Variants in SORBS3 observed in about 807,000 individuals in gnomAD.
SORBS3 encodes sorbin and SH3 domain containing 3, also known as vinexin.
Under a neutral mutation model 98.0 loss-of-function variants are expected in SORBS3, and 69 were observed. The observed-to-expected ratio is 0.70, with a 90% CI of 0.58 to 0.86. The LOEUF is 0.86. Among genes scored for constraint, SORBS3 ranks in the 40% least tolerant of loss-of-function variants. The pLI is 0.00. For synonymous variants in SORBS3, 394 were observed against 355.4 expected (o/e 1.11, Z -1.22); for missense variants, 954 against 908.5 (o/e 1.05, Z -0.64).
chr8:22,571,151 T>C lies in SORBS3; in HGVS notation c.1673T>C (p.Leu558Ser), dbSNP rs1355218022. 3 of 1,594,146 alleles carry C rather than the reference T, an allele frequency of 1.9e-6. No individual in the cohort carries two copies. Among genetic ancestry groups the C allele is most frequent in the East Asian group, 2.2e-5 (1 of 44,602 alleles). ...CGCAGCCCAGCTGACCCCATCGACT[T>C]GGGGGGACAGACCTCCCCCCGTCGC... ...ALRSPADPID[L>S]GGQTSPRRTG... The change falls in exon 18 of 21, where the codon TTG becomes TCG. Residue 558 changes from leucine (L) to serine (S), a missense_variant. Transcript: ENST00000240123.
chr8:22,552,980 C>T (rs1198416359), intron 1 of SORBS3, among the ~76,000 whole-genome samples: 1 of 152,164 alleles, frequency 6.6e-6, no homozygotes, highest in Non-Finnish European at 1.5e-5. Context: ...GTCGCAGCAA[C>T]TCAAATGTCA....
intron 19 of SORBS3, 80 bp from the exon 20 acceptor site, chr8:22,572,260 G>C: frequency 8.8e-7 from 1 of 1,141,950 alleles, no homozygotes; most frequent in Non-Finnish European, 1.3e-6. Flanking sequence ...AAGGGACCCT[G>C]GGGCATTCAC....
At chr8:22,548,094 G>A (rs1162054887), upstream of SORBS3, among the ~76,000 whole-genome samples, 1 of 152,206 alleles carries the variant, frequency 6.6e-6, no homozygotes, top group Non-Finnish European at 1.5e-5. Context: ...TACTTGACCT[G>A]TACTGGGTAT....
chr8:22,572,864 C>A (rs963651278), intron 20 of SORBS3, among the ~76,000 whole-genome samples: 5 of 152,202 alleles, frequency 3.3e-5, no homozygotes, highest in African/African-American at 7.2e-5. Flanking sequence ...GGAGAAAGGT[C>A]CCAGCCCCTC....
rs1163460250 is a variant in SORBS3, at chr8:22,554,158, C to G, written c.-55-294C>G. 1 of 224,920 alleles carries G rather than the reference C, an allele frequency of 4.4e-6. No individual in the cohort carries two copies. The highest frequency in any genetic ancestry group is 8.8e-6 in the Non-Finnish European group (1 of 113,132). The allele number at this position is 224,920 out of a possible 1,614,324, so 13.9% of individuals were successfully genotyped here. A position where few individuals can be genotyped will look rare whatever the true frequency, so the allele number is the denominator to read the frequency against. ...ACCCGTGCAGGGAGAGCCCCACGGG[C>G]TCCTGGCCAGCCCCTCCCCTCCTCC... On this transcript the variant is annotated intron_variant, in intron 1 of 20. Coordinates refer to ENST00000240123, the MANE Select transcript of SORBS3 (RefSeq NM_005775.5). This position sits in a 1 kb window ranked among gnomAD's most constrained non-coding sequence, Gnocchi z 6.5.
upstream of SORBS3, among the ~76,000 whole-genome samples, chr8:22,547,053 A>G (rs925373690): frequency 2.0e-5 from 3 of 152,218 alleles, no homozygotes; most frequent in Non-Finnish European, 1.5e-5. Flanking sequence ...TGCAGTTTAC[A>G]GGCCAGAAAA....
At chr8:22,549,922 A>G (rs1161289460), upstream of SORBS3, 20 of 926,490 alleles carry the variant, frequency 2.2e-5, no homozygotes, top group Non-Finnish European at 2.6e-5. Flanking sequence ...GCCCTAGAGA[A>G]TAAGAGAAGC....
intron 5 of SORBS3, among the ~76,000 whole-genome samples, chr8:22,559,410 G>T (rs1489702391): frequency 5.3e-5 from 8 of 152,178 alleles, no homozygotes; most frequent in African/African-American, 1.9e-4. Flanking sequence ...TGTAGGAGTA[G>T]CATTCACAGG....
chr8:22,548,459 A>G (rs2449334), upstream of SORBS3, among the ~76,000 whole-genome samples: 75,560 of 151,680 alleles, frequency 0.5, 19,049 homozygotes, highest in African/African-American at 0.57. Context: ...AAACTGCTGG[A>G]AACGGGCAGT....
intron 11 of SORBS3, 107 bp from the exon 12 acceptor site, chr8:22,565,718 CG>C: frequency 8.1e-7 from 1 of 1,235,690 alleles, no homozygotes; most frequent in Non-Finnish European, 1.0e-6. Context: ...CCCCGCGTCC[CG>C]CCCGCTCTCC....
At chr8:22,568,950 G>C (rs1264234694) in intron 16 of SORBS3, among the ~76,000 whole-genome samples, 198 bp from the exon 17 acceptor site, 1 of 152,156 alleles carries the variant, frequency 6.6e-6, no homozygotes, top group African/African-American at 2.4e-5. Context: ...TCCAGGGAGC[G>C]TTCCCAGACT....
At chr8:22,560,059 A>G (rs1433604176) in intron 5 of SORBS3, among the ~76,000 whole-genome samples, 1 of 150,874 alleles carries the variant, frequency 6.6e-6, no homozygotes, top group Non-Finnish European at 1.5e-5. Flanking sequence ...TCAGTCTCAA[A>G]AAAAAAAAAA....
chr8:22,554,266 G>C lies in SORBS3; in HGVS notation c.-55-186G>C. The C allele has an allele frequency of 2.4e-6, 1 of 423,840 alleles. No individual in the cohort carries two copies. The highest frequency in any genetic ancestry group is 4.9e-5 in the East Asian group (1 of 20,422). 26.3% of individuals were successfully genotyped at this position (423,840 alleles called of 1,614,324 possible). On this transcript the variant is annotated intron_variant, in intron 1 of 20. Transcript: ENST00000240123. The surrounding 1 kb of genome is among the most constrained non-coding windows in gnomAD (Gnocchi z 6.5). ...GTGGTCCATTGTGCCCCTGGGAGCCGGCAGGCACGGGCAGCCTGCAGGCGG... is the reference window on the plus strand; with the variant it reads ...GTGGTCCATTGTGCCCCTGGGAGCCCGCAGGCACGGGCAGCCTGCAGGCGG...
intron 7 of SORBS3, among the ~76,000 whole-genome samples, chr8:22,563,669 G>A (rs3758035): frequency 0.025 from 3,784 of 152,310 alleles, 87 homozygotes; most frequent in East Asian, 0.12. Context: ...GAGCAAATAT[G>A]TGTGTGAGGC....
chr8:22,570,724 TG>T (rs1840552020), intron 17 of SORBS3, among the ~76,000 whole-genome samples, 185 bp from the exon 18 acceptor site: 1 of 152,178 alleles, frequency 6.6e-6, no homozygotes, highest in African/African-American at 2.4e-5. Flanking sequence ...CAGCCTTGCC[TG>T]GGCAGCCTGG....
rs755944182 is a variant in SORBS3, at chr8:22,564,432, G to A, written c.763-36G>A. The A allele has an allele frequency of 5.6e-6, 9 of 1,613,988 alleles. No homozygotes were observed. In the African/African-American group the frequency reaches 1.2e-4, roughly 22 times the overall value. ...TCAGCTGATACATTTTGGAAAGTGA[G>A]TTCACCTGCTCTGACACACCCTTTC... On this transcript the variant is annotated intron_variant, in intron 9 of 20. Coordinates refer to ENST00000240123, the MANE Select transcript of SORBS3 (RefSeq NM_005775.5).
At chr8:22,572,268 C>A in intron 19 of SORBS3, 72 bp from the exon 20 acceptor site, 2 of 1,269,650 alleles carry the variant, frequency 1.6e-6, no homozygotes, top group Non-Finnish European at 2.3e-6. Flanking sequence ...CTGGGGCATT[C>A]ACAGGAAGCG....
intron 1 of SORBS3, among the ~76,000 whole-genome samples, chr8:22,553,509 C>A (rs1298072918): frequency 6.6e-6 from 1 of 152,076 alleles, no homozygotes; most frequent in Non-Finnish European, 1.5e-5. Flanking sequence ...CCTCTTGCAC[C>A]CCCACTCTGG....
Position 22,566,682 on chromosome 8 carries a change from G to C in SORBS3, c.1112G>C (p.Gly371Ala), listed in dbSNP as rs768625278. 17 of 1,609,282 alleles carry C rather than the reference G, an allele frequency of 1.1e-5. No homozygotes were observed. Among genetic ancestry groups the C allele is most frequent in the Middle Eastern group, 1.7e-4 (1 of 6,038 alleles). The change falls in exon 14 of 21, where the codon GGG becomes GCG. Residue 371 changes from glycine to alanine, a missense_variant. Gly to Ala is a moderately conservative substitution (Grantham distance 60). Coordinates refer to ENST00000240123, the MANE Select transcript of SORBS3 (RefSeq NM_005775.5). ...STRDPSASNG[G>A]GSPARREEKK... The stretch of plus-strand genomic sequence containing the variant: ...ACAGACCCTAGTGCCTCTAACGGAG[G>C]GGGCAGCCCAGCCAGGAGGGAAGAG...
Sources: allele counts gnomAD v4.1 joint callset (sites outside exome capture counted in the v4.1 genomes callset), GRCh38; gene constraint gnomAD v4.1.1; non-coding constraint Gnocchi (gnomAD v3.1); transcripts MANE v1.5; gene names NCBI Gene and HGNC (gene_info 2026-07-23, HGNC 2026-07-21).